Variants in EXOC4 observed in about 807,000 individuals in gnomAD.
The protein encoded by EXOC4 is exocyst complex component 4.
Under a neutral mutation model 107.2 loss-of-function variants are expected in EXOC4, and 71 were observed. The ratio of observed to expected loss-of-function variants is 0.66; its 90% CI spans 0.55 to 0.81. The LOEUF (loss-of-function observed/expected upper bound fraction) is 0.81. Among genes scored for constraint, EXOC4 ranks in the 30% least tolerant of loss-of-function variants. The pLI is 0.00. For synonymous variants in EXOC4, 456 were observed against 441.2 expected (o/e 1.03, Z -0.42); for missense variants, 1,108 against 1,189.6 (o/e 0.93, Z 1.01).
intron 11 of EXOC4, among the ~76,000 whole-genome samples, chr7:133,848,217 G>C (rs1047279986): frequency 6.6e-6 from 1 of 152,316 alleles, no homozygotes; most frequent in East Asian, 1.9e-4. Flanking sequence ...GAACAAATGT[G>C]AAAGGAGCCT....
chr7:134,043,063 A>T (rs924957373), intron 17 of EXOC4, among the ~76,000 whole-genome samples: 1 of 152,000 alleles, frequency 6.6e-6, no homozygotes, highest in African/African-American at 2.4e-5. Flanking sequence ...AATCAATATA[A>T]TGCTGCCCCT....
intron 14 of EXOC4, among the ~76,000 whole-genome samples, chr7:133,991,985 G>T (rs1207522230): frequency 6.6e-6 from 1 of 152,046 alleles, no homozygotes; most frequent in Non-Finnish European, 1.5e-5. Flanking sequence ...TTCTATTTCT[G>T]TGAAGAATGT....
intron 3 of EXOC4, among the ~76,000 whole-genome samples, chr7:133,296,702 T>A (rs556641107): frequency 1.8e-4 from 28 of 152,206 alleles, no homozygotes; most frequent in Non-Finnish European, 2.6e-4. Context: ...CCTTTTTTTT[T>A]AAATTTTGCT....
intron 10 of EXOC4, among the ~76,000 whole-genome samples, chr7:133,672,123 G>A (rs1793959832): frequency 6.6e-6 from 1 of 152,142 alleles, no homozygotes; most frequent in Non-Finnish European, 1.5e-5. Flanking sequence ...CAGGCGTGGT[G>A]GCTCACGCCT....
At chr7:133,335,983 G>A (rs1050089074) in intron 5 of EXOC4, among the ~76,000 whole-genome samples, 1 of 152,048 alleles carries the variant, frequency 6.6e-6, no homozygotes, top group African/African-American at 2.4e-5. Context: ...TCATTTTTAG[G>A]TCATCTTTGG....
chr7:133,436,388 C>T (rs1488680378), intron 7 of EXOC4, among the ~76,000 whole-genome samples: 1 of 152,016 alleles, frequency 6.6e-6, no homozygotes, highest in African/African-American at 2.4e-5. Context: ...CTTTCCTCTT[C>T]ATTTGGCATC....
the EXOC4 span, among the ~76,000 whole-genome samples, chr7:134,100,004 GC>G: frequency 6.6e-6 from 1 of 151,836 alleles, no homozygotes; most frequent in African/African-American, 2.4e-5. Context: ...ACTGCACCTG[GC>G]CCTCCCATCA....
At chr7:133,598,815 C>T (rs1801741667) in intron 9 of EXOC4, among the ~76,000 whole-genome samples, 1 of 152,084 alleles carries the variant, frequency 6.6e-6, no homozygotes, top group Non-Finnish European at 1.5e-5. Context: ...AACCTTGTCT[C>T]TACTAAAAAA....
chr7:133,842,936 T>G (rs1798051813), intron 11 of EXOC4, among the ~76,000 whole-genome samples: 1 of 152,136 alleles, frequency 6.6e-6, no homozygotes, highest in Non-Finnish European at 1.5e-5. Context: ...ATTGCTCATT[T>G]TTGTGGATTT....
At chr7:134,059,844 A>G (rs752397878) in intron 17 of EXOC4, among the ~76,000 whole-genome samples, 1 of 152,168 alleles carries the variant, frequency 6.6e-6, no homozygotes, top group African/African-American at 2.4e-5. Flanking sequence ...TATGGCCCAT[A>G]TATTCTATAT....
At chr7:133,426,803 G>A (rs186258083) in intron 7 of EXOC4, among the ~76,000 whole-genome samples, 1 of 152,322 alleles carries the variant, frequency 6.6e-6, no homozygotes, top group East Asian at 1.9e-4. Context: ...CAGTAGTTCA[G>A]TTGACTTCCT....
In EXOC4 at chr7:133,261,551, T is replaced by G. The variant is rs188500219; in HGVS notation, c.86+8364T>G. Among the ~76,000 whole-genome samples, 88 of 152,328 alleles carry G rather than the reference T, an allele frequency of 5.8e-4. 1 individual carries two copies. The highest frequency in any genetic ancestry group is 9.4e-4 in the Non-Finnish European group (64 of 68,030). Reference sequence around the variant, plus strand: ...CCACACCCGGGCACCTTGTAGTTTTTGAGTTGATGCTAGACATTGTCAGTT... The same window carrying G: ...CCACACCCGGGCACCTTGTAGTTTTGGAGTTGATGCTAGACATTGTCAGTT... On this transcript the variant is annotated intron_variant, in intron 1 of 17. Coordinates refer to ENST00000253861, the MANE Select transcript of EXOC4 (RefSeq NM_021807.4).
At chr7:133,424,458 AC>A (rs1797679094) in intron 7 of EXOC4, among the ~76,000 whole-genome samples, 1 of 151,994 alleles carries the variant, frequency 6.6e-6, no homozygotes, top group Admixed American at 6.6e-5. Flanking sequence ...ACACATCTGA[AC>A]ATCTGAAGCA....
chr7:133,949,241 A>G (rs534897894), intron 14 of EXOC4, among the ~76,000 whole-genome samples: 68 of 152,346 alleles, frequency 4.5e-4, no homozygotes, highest in African/African-American at 1.6e-3. Context: ...AAATTATACA[A>G]TAAAAGATTT....
At chr7:133,734,503 T>G (rs1318040185) in intron 10 of EXOC4, among the ~76,000 whole-genome samples, 1 of 151,888 alleles carries the variant, frequency 6.6e-6, no homozygotes, top group African/African-American at 2.4e-5. Context: ...TTAGATTCCA[T>G]TTATTGGAAA....
chr7:133,682,334 G>C (rs1794205169), intron 10 of EXOC4, among the ~76,000 whole-genome samples: 1 of 152,124 alleles, frequency 6.6e-6, no homozygotes, highest in Non-Finnish European at 1.5e-5. Context: ...TTCACCCATA[G>C]TAATTTGAAA....
At chr7:133,674,607 A>G (rs1187028015) in intron 10 of EXOC4, among the ~76,000 whole-genome samples, 1 of 152,146 alleles carries the variant, frequency 6.6e-6, no homozygotes, top group Non-Finnish European at 1.5e-5. Context: ...TATTGCTGTC[A>G]TATTACAATG....
At chr7:133,896,441 G>C (rs1799309760) in intron 12 of EXOC4, among the ~76,000 whole-genome samples, 1 of 152,104 alleles carries the variant, frequency 6.6e-6, no homozygotes, top group Non-Finnish European at 1.5e-5. Flanking sequence ...GGATAGATAG[G>C]TAAAGTGCAG....
intron 4 of EXOC4, among the ~76,000 whole-genome samples, chr7:133,312,607 C>T: frequency 6.6e-6 from 1 of 151,996 alleles, no homozygotes; most frequent in South Asian, 2.1e-4. Flanking sequence ...AACTAGAATT[C>T]AGATCTATGC....
Sources: allele counts gnomAD v4.1 joint callset (sites outside exome capture counted in the v4.1 genomes callset), GRCh38; gene constraint gnomAD v4.1.1; transcripts MANE v1.5; gene names NCBI Gene and HGNC (gene_info 2026-07-23, HGNC 2026-07-21).